The following PPP2R2D variants were observed in gnomAD, a reference collection of about 807,000 sequenced individuals.
PPP2R2D encodes the protein serine/threonine-protein phosphatase 2A 55 kDa regulatory subunit B delta isoform.
PPP2R2D carries 9 observed loss-of-function variants against 31.1 expected under a neutral mutation model. That is an observed-to-expected ratio of 0.29 (90% CI 0.17 to 0.51). The LOEUF (loss-of-function observed/expected upper bound fraction) is 0.51, where lower values mean the gene tolerates loss of function less well. Among genes scored for constraint, PPP2R2D ranks in the 20% least tolerant of loss-of-function variants. The pLI is 0.98. For missense variants in PPP2R2D, 391 were observed against 465.6 expected (o/e 0.84, Z 1.48); for synonymous variants, 179 against 172.6 (o/e 1.04, Z -0.29).
At chr10:131,931,399 G>A (rs1554895676) in intron 2 of PPP2R2D, among the ~76,000 whole-genome samples, 2 of 152,166 alleles carry the variant, frequency 1.3e-5, no homozygotes, top group African/African-American at 4.8e-5. Context: ...CCAGGCTGGA[G>A]TGCAGTGGCG....
rs577044269 is a variant in PPP2R2D, at chr10:131,950,833, A to G, written c.1082+3042A>G. On this transcript the variant is annotated intron_variant, in intron 8 of 8. Coordinates refer to ENST00000455566, the MANE Select transcript of PPP2R2D (RefSeq NM_018461.5). ...ATAAGCTCTGAGTGTTTCTAAGCCT[A>G]AGACATCTTTGTGAGCTCTGGAAAC... Among the ~76,000 whole-genome samples, 68 of 152,318 alleles carry G rather than the reference A, an allele frequency of 4.5e-4. No homozygotes were observed. The South Asian group carries it at 0.013, about 29-fold the overall frequency.
In PPP2R2D at chr10:131,952,714, G is replaced by T. The variant is rs1305735085; in HGVS notation, c.1083-2970G>T. ...TGGGGGTTCACTGTCTTAGTGACTT[G>T]CGGGTGTGCGGGGTTCACTGTCTTA... is the stretch of plus-strand genomic sequence containing the variant. On this transcript the variant is annotated intron_variant, in intron 8 of 8. Coordinates refer to ENST00000455566, the MANE Select transcript of PPP2R2D (RefSeq NM_018461.5). 8.7e-5 allele frequency among the ~76,000 whole-genome samples: 9 copies of T among 103,956 alleles called. 1 individual carries two copies. The highest frequency in any genetic ancestry group is 3.6e-4 in the African/African-American group (9 of 25,338). The allele number at this position is 103,956 out of a possible 152,430, so 68.2% of individuals were successfully genotyped here. A position where few individuals can be genotyped will look rare whatever the true frequency, so the allele number is the denominator to read the frequency against.
At chr10:131,923,412 T>C (rs554757624) in intron 2 of PPP2R2D, among the ~76,000 whole-genome samples, 1 of 152,318 alleles carries the variant, frequency 6.6e-6, no homozygotes, top group South Asian at 2.1e-4. Flanking sequence ...CTGTGGACAT[T>C]CTTGTACATG....
intron 2 of PPP2R2D, among the ~76,000 whole-genome samples, chr10:131,908,322 C>G (rs1018516156): frequency 5.3e-5 from 8 of 152,176 alleles, no homozygotes; most frequent in Non-Finnish European, 1.5e-5. Flanking sequence ...TGTCCATTCC[C>G]TAAGCCCTGC....
At chr10:131,968,637 CA>C in the PPP2R2D span, 6 of 1,409,222 alleles carry the variant, frequency 4.3e-6, no homozygotes, top group Non-Finnish European at 6.0e-6. Context: ...ACAGCTGAAA[CA>C]GGGTAGCTCA....
the PPP2R2D span, chr10:131,970,209 T>C: frequency 4.0e-3 from 714 of 178,310 alleles, 8 homozygotes; most frequent in African/African-American, 0.015. This position sits in a 1 kb window ranked among gnomAD's most constrained non-coding sequence, Gnocchi z 4.1. Flanking sequence ...GGTTCCTTCA[T>C]TGCTGAGAGT....
chr10:131,910,691 G>A (rs1336190221), intron 2 of PPP2R2D, among the ~76,000 whole-genome samples: 8 of 152,160 alleles, frequency 5.3e-5, no homozygotes, highest in East Asian at 3.9e-4. Context: ...CCTCGGGCTC[G>A]TCAGTGATGT....
chr10:131,964,522 C>A (rs578216897), downstream of PPP2R2D, among the ~76,000 whole-genome samples: 1 of 152,178 alleles, frequency 6.6e-6, no homozygotes, highest in African/African-American at 2.4e-5. Context: ...AGCAAGCCCA[C>A]GGCTTCGTGC....
chr10:131,916,411 G>A (rs782567897), intron 2 of PPP2R2D, among the ~76,000 whole-genome samples: 3 of 150,866 alleles, frequency 2.0e-5, no homozygotes, highest in South Asian at 2.1e-4. Context: ...CATTTTAGCC[G>A]TTCATAAGTG....
At position 131,945,492 on chromosome 10, in the gene PPP2R2D, C is replaced by G; in HGVS notation, c.820+33C>G. Reference sequence around the variant, plus strand: ...CGTCTGTTGTTGAGATGGAGTCTGGCTCTGTCACCCAGGCTGCGGTGCAGT... The same window carrying G: ...CGTCTGTTGTTGAGATGGAGTCTGGGTCTGTCACCCAGGCTGCGGTGCAGT... On this transcript the variant is annotated intron_variant, in intron 7 of 8. Coordinates refer to ENST00000455566, the MANE Select transcript of PPP2R2D (RefSeq NM_018461.5). The surrounding 1 kb of genome is among the most constrained non-coding windows in gnomAD (Gnocchi z 4.8). 6 of 1,569,776 alleles carry G rather than the reference C, an allele frequency of 3.8e-6. No individual in the cohort carries two copies. The highest frequency in any genetic ancestry group is 3.5e-6 in the Non-Finnish European group (4 of 1,152,626).
intron 2 of PPP2R2D, among the ~76,000 whole-genome samples, chr10:131,917,719 T>TTTGC (rs1554893442): frequency 4.1e-5 from 5 of 123,046 alleles, no homozygotes; most frequent in African/African-American, 6.3e-5. Flanking sequence ...TGACACAGTG[T>TTTGC]AGGGACCTCA....
chr10:131,913,503 A>G (rs995246133), intron 2 of PPP2R2D, among the ~76,000 whole-genome samples: 21 of 152,110 alleles, frequency 1.4e-4, no homozygotes, highest in Non-Finnish European at 2.8e-4. Context: ...TACTCTGGAA[A>G]TGAAGAAAAA....
chr10:131,955,818 G>A lies in PPP2R2D; in HGVS notation c.1217G>A (p.Gly406Glu). 6.2e-7 allele frequency: 1 copy of A among 1,609,978 alleles called. No homozygotes were observed. Among genetic ancestry groups the A allele is most frequent in the Non-Finnish European group, 8.5e-7 (1 of 1,177,894 alleles). Residue 406 changes from glycine to glutamate, a missense_variant, in exon 9 of 9, where the codon GGG (glycine) becomes GAG (glutamate). By Grantham distance (98) the Gly-to-Glu change is moderately conservative. This residue lies in a region of PPP2R2D where 163 missense variants were observed against 179.5 expected (regional missense o/e 0.91). Coordinates refer to ENST00000455566, the MANE Select transcript of PPP2R2D (RefSeq NM_018461.5). ...ASLKPRKVCT[G>E]GKRRKDEISV... ...CTCAAACCCCGGAAGGTGTGTACGG[G>A]GGGTAAGCGGAGGAAAGACGAGATC... is the stretch of plus-strand genomic sequence containing the variant.
chr10:131,921,957 CT>C (rs1458546317), intron 2 of PPP2R2D, among the ~76,000 whole-genome samples: 5 of 152,054 alleles, frequency 3.3e-5, no homozygotes, highest in Admixed American at 2.6e-4. Context: ...GTCAGACAGC[CT>C]TTTGTTTTTG....
At chr10:131,914,813 C>G (rs2035748288) in intron 2 of PPP2R2D, among the ~76,000 whole-genome samples, 1 of 152,132 alleles carries the variant, frequency 6.6e-6, no homozygotes, top group Non-Finnish European at 1.5e-5. Flanking sequence ...GTGGTCACGC[C>G]TCACTGAACA....
intron 6 of PPP2R2D, among the ~76,000 whole-genome samples, chr10:131,944,667 C>T (rs1308709725): frequency 1.3e-5 from 2 of 152,162 alleles, no homozygotes; most frequent in South Asian, 2.1e-4. Context: ...GGGTCCCTGC[C>T]GTCCTCCCTC....
chr10:131,915,663 C>T (rs1308139841), intron 2 of PPP2R2D, among the ~76,000 whole-genome samples: 2 of 152,146 alleles, frequency 1.3e-5, no homozygotes, highest in Admixed American at 6.5e-5. Flanking sequence ...AGACAGAGGC[C>T]GATGGGGAAT....
At chr10:131,922,984 G>T (rs1554894441) in intron 2 of PPP2R2D, among the ~76,000 whole-genome samples, 2 of 152,094 alleles carry the variant, frequency 1.3e-5, no homozygotes, top group Non-Finnish European at 2.9e-5. Flanking sequence ...GTTTTTATGG[G>T]GTAGTTTTAC....
chr10:131,944,209 C>A, intron 6 of PPP2R2D, 64 bp downstream of exon 6: 1 of 1,388,128 alleles, frequency 7.2e-7, no homozygotes, highest in Non-Finnish European at 9.9e-7. Context: ...TAATTTCTCT[C>A]GTCCCTTTAT....
Sources: allele counts gnomAD v4.1 joint callset (sites outside exome capture counted in the v4.1 genomes callset), GRCh38; gene constraint gnomAD v4.1.1; regional missense constraint gnomAD v4.1.1; non-coding constraint Gnocchi (gnomAD v3.1); transcripts MANE v1.5; gene names NCBI Gene and HGNC (gene_info 2026-07-23, HGNC 2026-07-21).